RGS6: variants seen among roughly 807,000 people sequenced by gnomAD.
RGS6 encodes regulator of G-protein signaling 6.
A neutral mutation model predicts 78.5 loss-of-function variants in RGS6; 30 were observed. The observed-to-expected ratio is 0.38, with a 90% confidence interval of 0.29 to 0.52. RGS6 has a LOEUF of 0.52. Ranked by LOEUF, RGS6 falls within the 20% of genes least tolerant of loss-of-function variation. The probability of loss-of-function intolerance (pLI) is 0.85; values close to 1 mark genes in which losing one functional copy is unlikely to be tolerated. For missense variants in RGS6, 495 were observed against 609.7 expected, an observed-to-expected ratio of 0.81 and a Z score of 1.98; for synonymous variants, 206 against 206.0, an observed-to-expected ratio of 1.00 and a Z score of 0.00.
In RGS6 at chr14:72,259,318, T is replaced by G. The variant is rs115625679; in HGVS notation, c.85-92777T>G. ...AATTAATTGGCACTGTGTAGCAGCT[T>G]TTTTTTAATGTAGCAATGATTTCAG... On this transcript the variant is annotated intron_variant, in intron 2 of 17. Transcript: ENST00000553525. Among the ~76,000 whole-genome samples the G allele has an allele frequency of 4.5e-3, 687 of 152,286 alleles. 3 individuals are homozygous for G. The highest frequency in any genetic ancestry group is 0.016 in the African/African-American group (646 of 41,556).
chr14:72,614,785 A>AAAAAAAAAAAG, the RGS6 span, among the ~76,000 whole-genome samples: 1 of 150,860 alleles, frequency 6.6e-6, no homozygotes, highest in African/African-American at 2.4e-5. Context: ...CAGAAAAAAA[A>AAAAAAAAAAAG]AAAAGAGTTA....
At chr14:72,120,511 A>AC (rs2096020004) in intron 2 of RGS6, among the ~76,000 whole-genome samples, 1 of 152,220 alleles carries the variant, frequency 6.6e-6, no homozygotes, top group Non-Finnish European at 1.5e-5. Flanking sequence ...TTATGAAACC[A>AC]CACATACCAT....
intron 2 of RGS6, among the ~76,000 whole-genome samples, chr14:72,216,204 G>C (rs1046046386): frequency 6.6e-6 from 1 of 152,206 alleles, no homozygotes; most frequent in South Asian, 2.1e-4. Context: ...TAGCTAGTTT[G>C]TTTCATTGAC....
At chr14:72,372,414 C>T (rs1185728565) in intron 3 of RGS6, among the ~76,000 whole-genome samples, 1 of 152,200 alleles carries the variant, frequency 6.6e-6, no homozygotes, top group Non-Finnish European at 1.5e-5. Flanking sequence ...AGAAGGAAAT[C>T]ATTGGCTCAG....
At chr14:72,229,331 T>C (rs2153807584) in intron 2 of RGS6, among the ~76,000 whole-genome samples, 1 of 132,898 alleles carries the variant, frequency 7.5e-6, no homozygotes, top group East Asian at 2.6e-4. Context: ...GACCAGGTCC[T>C]GTCCCCATGC....
intron 2 of RGS6, among the ~76,000 whole-genome samples, chr14:72,003,726 T>A (rs1460932762): frequency 6.6e-6 from 1 of 152,040 alleles, no homozygotes; most frequent in Non-Finnish European, 1.5e-5. Context: ...GGGGAAGGGA[T>A]GGAGGGAGGA....
At chr14:72,454,792 C>T (rs2095587597) in intron 4 of RGS6, among the ~76,000 whole-genome samples, 1 of 152,106 alleles carries the variant, frequency 6.6e-6, no homozygotes, top group African/African-American at 2.4e-5. Flanking sequence ...AAATGAGCAA[C>T]TTTTTAGAAT....
chr14:72,241,543 C>T (rs2052832004), intron 2 of RGS6, among the ~76,000 whole-genome samples: 1 of 152,140 alleles, frequency 6.6e-6, no homozygotes, highest in South Asian at 2.1e-4. Flanking sequence ...GATGTAGTTC[C>T]TTTCAGATGC....
chr14:72,108,339 A>G (rs1483685920), intron 2 of RGS6, among the ~76,000 whole-genome samples: 1 of 152,002 alleles, frequency 6.6e-6, no homozygotes, highest in Non-Finnish European at 1.5e-5. Context: ...TCTTTTTGCA[A>G]GAAGCCCATA....
intron 17 of RGS6, chr14:72,541,308 T>C: frequency 7.9e-6 from 7 of 881,556 alleles, no homozygotes; most frequent in Non-Finnish European, 9.5e-6. Context: ...GTCATTTACG[T>C]GTCGTAGCTA....
At chr14:72,114,015 G>A (rs149048406) in intron 2 of RGS6, among the ~76,000 whole-genome samples, 5 of 152,158 alleles carry the variant, frequency 3.3e-5, no homozygotes, top group African/African-American at 4.8e-5. Context: ...AGAGGAAATG[G>A]CTGTTGTATT....
chr14:71,896,970 A>T, the RGS6 span, among the ~76,000 whole-genome samples: 1 of 152,228 alleles, frequency 6.6e-6, no homozygotes, highest in African/African-American at 2.4e-5. Context: ...AGATTGGCTT[A>T]GGTAAGCTTG....
At chr14:72,520,258 T>G (rs2097017630) in intron 15 of RGS6, among the ~76,000 whole-genome samples, 1 of 152,368 alleles carries the variant, frequency 6.6e-6, no homozygotes, top group South Asian at 2.1e-4. Flanking sequence ...TTTAGATCCT[T>G]TGTCCTGTAA....
intron 12 of RGS6, among the ~76,000 whole-genome samples, chr14:72,482,650 C>G (rs1038867329): frequency 6.6e-6 from 1 of 152,158 alleles, no homozygotes; most frequent in Admixed American, 6.5e-5. Flanking sequence ...GTTGAGCACT[C>G]CTTAATATGG....
chr14:72,611,484 G>C, the RGS6 span, among the ~76,000 whole-genome samples: 4 of 152,140 alleles, frequency 2.6e-5, no homozygotes, highest in Admixed American at 2.6e-4. Flanking sequence ...GGGTCTGGTG[G>C]AGTGTGCCCA....
chr14:72,409,301 T>C (rs1272019182), intron 3 of RGS6, among the ~76,000 whole-genome samples: 1 of 152,142 alleles, frequency 6.6e-6, no homozygotes, highest in African/African-American at 2.4e-5. Context: ...GCATGGGTAG[T>C]GAGCTTTAAT....
chr14:72,546,975 C>T (rs117438967), intron 17 of RGS6, among the ~76,000 whole-genome samples: 2 of 152,274 alleles, frequency 1.3e-5, no homozygotes, highest in East Asian at 1.9e-4. Context: ...TGTGGGGTCT[C>T]GGCATGCTTG....
chr14:72,146,293 C>G (rs1598358857), intron 2 of RGS6, among the ~76,000 whole-genome samples: 1 of 152,340 alleles, frequency 6.6e-6, no homozygotes, highest in African/African-American at 2.4e-5. Context: ...GGTTAAGTTT[C>G]CAACTCATGA....
intron 8 of RGS6, among the ~76,000 whole-genome samples, chr14:72,470,707 C>T (rs2096055290): frequency 6.6e-6 from 1 of 152,006 alleles, no homozygotes; most frequent in Non-Finnish European, 1.5e-5. Flanking sequence ...TGGTGAAACC[C>T]CGTCTCTACT....
Sources: gnomAD v4.1 joint callset for allele counts (sites outside exome capture counted in the v4.1 genomes callset) on GRCh38, gnomAD v4.1.1 for gene constraint, MANE v1.5 for transcripts, NCBI Gene and HGNC (gene_info 2026-07-23, HGNC 2026-07-21) for gene names.